The following HDAC4 variants were observed in gnomAD, a reference collection of about 807,000 sequenced individuals.
The protein encoded by HDAC4 is histone deacetylase A.
In HDAC4, 16 loss-of-function variants were observed where a neutral mutation model predicts 135.1. The ratio of observed to expected loss-of-function variants is 0.12; its 90% CI spans 0.08 to 0.18. HDAC4 has a LOEUF of 0.18. Among genes scored for constraint, HDAC4 ranks in the 10% least tolerant of loss-of-function variants. HDAC4 has a pLI of 1.00. For missense variants in HDAC4, 1,143 were observed against 1,511.8 expected (o/e 0.76, Z 4.05); for synonymous variants, 685 against 653.4 (o/e 1.05, Z -0.74).
At chr2:239,369,420 T>A (rs1694450385) in intron 1 of HDAC4, among the ~76,000 whole-genome samples, 1 of 152,084 alleles carries the variant, frequency 6.6e-6, no homozygotes, top group Admixed American at 6.5e-5. Flanking sequence ...CTGCAATGTC[T>A]CCAAGCTACA....
At chr2:239,063,980 G>A (rs975341525) in intron 24 of HDAC4, among the ~76,000 whole-genome samples, 2 of 152,354 alleles carry the variant, frequency 1.3e-5, no homozygotes, top group Non-Finnish European at 2.9e-5. Flanking sequence ...ACCGGGGCAA[G>A]GCACTGAGCC....
intron 9 of HDAC4, among the ~76,000 whole-genome samples, chr2:239,136,467 C>T (rs1304772082): frequency 6.6e-6 from 1 of 152,200 alleles, no homozygotes; most frequent in Non-Finnish European, 1.5e-5. Context: ...TTGATTCGAC[C>T]TCTTGGCTAT....
chr2:239,139,827 T>C lies in HDAC4; in HGVS notation c.866-31A>G. On this transcript the variant is annotated intron_variant, in intron 8 of 26. Transcript: ENST00000543185. The surrounding 1 kb of genome is among the most constrained non-coding windows in gnomAD (Gnocchi z 5.3). ...GAGGCAGAAATACCCTGGTGAGTGT[T>C]ACTCCATGCGGAGGGAGGGCCGTGC... 1 of 1,591,504 alleles carries C rather than the reference T, an allele frequency of 6.3e-7. No individual in the cohort carries two copies. Among genetic ancestry groups the C allele is most frequent in the Non-Finnish European group, 8.6e-7 (1 of 1,159,966 alleles).
intron 1 of HDAC4, among the ~76,000 whole-genome samples, chr2:239,393,757 C>G (rs1196359731): frequency 6.6e-6 from 1 of 152,174 alleles, no homozygotes; most frequent in Non-Finnish European, 1.5e-5. Context: ...TCTGTCCCTA[C>G]CAACACCAAA....
At chr2:239,124,118 A>C (rs563283947) in intron 12 of HDAC4, among the ~76,000 whole-genome samples, 1 of 152,270 alleles carries the variant, frequency 6.6e-6, no homozygotes, top group East Asian at 1.9e-4. Context: ...CCATCAACTC[A>C]TCCTCTTTCT....
At chr2:239,278,187 G>GA (rs57441784) in intron 2 of HDAC4, among the ~76,000 whole-genome samples, 29,245 of 140,682 alleles carry the variant, frequency 0.21, 2,955 homozygotes, top group Non-Finnish European at 0.23. Flanking sequence ...GAGAAAAAAA[G>GA]AAAAAAAAAA....
intron 1 of HDAC4, among the ~76,000 whole-genome samples, chr2:239,370,852 G>T (rs1694558910): frequency 6.6e-6 from 1 of 152,212 alleles, no homozygotes; most frequent in African/African-American, 2.4e-5. Context: ...ACGTTCCTGG[G>T]ATGAATTACA....
intron 15 of HDAC4, among the ~76,000 whole-genome samples, chr2:239,105,111 C>T (rs142729068): frequency 6.6e-6 from 1 of 152,226 alleles, no homozygotes; most frequent in Non-Finnish European, 1.5e-5. Context: ...GATGGTGGCC[C>T]CTTCCTGCTT....
chr2:239,275,390 C>G (rs1216317279), intron 2 of HDAC4, among the ~76,000 whole-genome samples: 1 of 152,234 alleles, frequency 6.6e-6, no homozygotes, highest in Non-Finnish European at 1.5e-5. Context: ...CCAGAAACGG[C>G]AGGAGCCCAG....
chr2:239,345,733 T>G (rs1051343921), intron 2 of HDAC4, among the ~76,000 whole-genome samples: 2 of 133,642 alleles, frequency 1.5e-5, no homozygotes, highest in Non-Finnish European at 3.2e-5. Context: ...CTAACACACA[T>G]ACACACCGTC....
intron 24 of HDAC4, among the ~76,000 whole-genome samples, chr2:239,061,755 G>A (rs1052291170): frequency 2.0e-5 from 3 of 152,202 alleles, no homozygotes; most frequent in Admixed American, 1.3e-4. Context: ...CAAAGCATCA[G>A]GACATAACTA....
At chr2:239,348,629 C>G (rs1195674149) in intron 2 of HDAC4, among the ~76,000 whole-genome samples, 5 of 152,358 alleles carry the variant, frequency 3.3e-5, no homozygotes, top group Admixed American at 3.3e-4. Context: ...ATGCCAGGGA[C>G]TCTGGCTTCA....
rs1476822366 is a variant in HDAC4, at chr2:239,087,643, GAGC to G, written c.2389-32_2389-30del. The stretch of plus-strand genomic sequence containing the variant: ...CAGGTGACACCAGACAGCCAGGAGA[GAGC>G]AACAAAAGACACACTTTGTAGCCAC... On this transcript the variant is annotated intron_variant, in intron 18 of 26. Transcript: ENST00000543185. The G allele has an allele frequency of 4.3e-6, 7 of 1,610,468 alleles. No individual in the cohort carries two copies. In the Admixed American group the frequency reaches 1.2e-4, roughly 27 times the overall value.
At chr2:239,296,562 C>T (rs935387242) in intron 2 of HDAC4, among the ~76,000 whole-genome samples, 1 of 152,238 alleles carries the variant, frequency 6.6e-6, no homozygotes, top group African/African-American at 2.4e-5. Context: ...ACAATGCTGG[C>T]CGGCATTTAA....
intron 22 of HDAC4, among the ~76,000 whole-genome samples, chr2:239,080,533 G>A (rs2035209703): frequency 1.3e-5 from 2 of 152,188 alleles, no homozygotes; most frequent in African/African-American, 4.8e-5. Context: ...ACCCCAATCT[G>A]GCCTAGACCA....
chr2:239,291,269 T>TGCCAGGGCTGGCCCGGGCTG (rs2051477036), intron 2 of HDAC4, among the ~76,000 whole-genome samples: 2 of 152,232 alleles, frequency 1.3e-5, no homozygotes, highest in Non-Finnish European at 2.9e-5. Context: ...ATGGCTCGCC[T>TGCCAGGGCTGGCCCGGGCTG]GCCAGGGCTG....
At position 239,119,506 on chromosome 2, in the gene HDAC4, C is replaced by G. The variant is rs192253449; in HGVS notation, c.1534-4196G>C. Among the ~76,000 whole-genome samples, 577 of 150,174 alleles carry G rather than the reference C, an allele frequency of 3.8e-3. 2 individuals are homozygous for G. The highest frequency in any genetic ancestry group is 0.014 in the African/African-American group (562 of 40,330). The stretch of plus-strand genomic sequence containing the variant: ...GGGGACCAGAGCTCAGGGCTGAGGG[C>G]GCGGGGACCAGAGCTCAGAGCTGAG... On this transcript the variant is annotated intron_variant, in intron 12 of 26. Transcript: ENST00000543185.
At position 239,134,291 on chromosome 2, in the gene HDAC4, G is replaced by A. The variant is rs888908428; in HGVS notation, c.1248C>T (p.His416=). 4.3e-6 allele frequency: 7 copies of A among 1,613,350 alleles called. No individual in the cohort carries two copies. Among genetic ancestry groups the A allele is most frequent in the Non-Finnish European group, 5.1e-6 (6 of 1,180,026 alleles). The change falls in exon 11 of 27, where the codon CAC becomes CAT. Residue 416 remains histidine, a synonymous_variant. Transcript: ENST00000543185. ...CCGGCGGCTGCTCCAGTAAGACCAT[G>A]TGCTGCAGAAGAGGGCTGTGCGCTG... ...GGAAHSPLLQ[H]MVLLEQPPAQ...
intron 17 of HDAC4, 160 bp downstream of exon 17, chr2:239,094,850 T>G: frequency 6.4e-7 from 1 of 1,553,108 alleles, no homozygotes; most frequent in Non-Finnish European, 8.7e-7. Context: ...CAAAACGCTC[T>G]CGGCTCACAC....
Sources: allele counts gnomAD v4.1 joint callset (sites outside exome capture counted in the v4.1 genomes callset), GRCh38; gene constraint gnomAD v4.1.1; non-coding constraint Gnocchi (gnomAD v3.1); transcripts MANE v1.5; gene names NCBI Gene and HGNC (gene_info 2026-07-23, HGNC 2026-07-21).